The following LANCL3 variants were observed in gnomAD, a reference collection of about 807,000 sequenced individuals.
LANCL3 encodes lanC-like protein 3.
Under a neutral mutation model 26.5 loss-of-function variants are expected in LANCL3, and 19 were observed. The ratio of observed to expected loss-of-function variants is 0.72; its 90% CI spans 0.50 to 1.05. The LOEUF (loss-of-function observed/expected upper bound fraction) is 1.05. LANCL3 is among the 50% of genes least tolerant of loss of function. The pLI is 0.00. For missense variants in LANCL3, 318 were observed against 362.7 expected (o/e 0.88, Z 1.00); for synonymous variants, 160 against 166.6 (o/e 0.96, Z 0.30).
intron 1 of LANCL3, among the ~76,000 whole-genome samples, chrX:37,623,049 G>T (rs1047268089): frequency 8.9e-6 from 1 of 111,963 alleles, no homozygotes; most frequent in Non-Finnish European, 1.9e-5. Flanking sequence ...TGAGTGCAGG[G>T]TCATTTTTTG....
intron 3 of LANCL3, among the ~76,000 whole-genome samples, chrX:37,661,266 A>G (rs1926415624): frequency 8.9e-6 from 1 of 111,912 alleles, no homozygotes; most frequent in African/African-American, 3.2e-5. Context: ...CAGTTAATTG[A>G]TGTGGGTGTC....
At chrX:37,655,570 T>C in intron 1 of LANCL3, 118 bp from the exon 2 acceptor site, 1 of 529,796 alleles carries the variant, frequency 1.9e-6, no homozygotes, top group Non-Finnish European at 2.8e-6. Flanking sequence ...ACTAAGTTTA[T>C]TTACATATAG....
At chrX:37,620,312 C>G (rs1003330338) in intron 1 of LANCL3, among the ~76,000 whole-genome samples, 25 of 111,862 alleles carry the variant, frequency 2.2e-4, no homozygotes, top group African/African-American at 8.1e-4. Flanking sequence ...GTGGGAATCT[C>G]CAGAGAAAGA....
chrX:37,596,837 A>G (rs782394248), intron 1 of LANCL3, among the ~76,000 whole-genome samples: 3 of 112,316 alleles, frequency 2.7e-5, no homozygotes, highest in East Asian at 2.8e-4. Flanking sequence ...TATAACTTAT[A>G]TATCATACAA....
chrX:37,678,273 G>A lies in LANCL3; in HGVS notation c.*2460G>A, dbSNP rs193146345. 1.8e-5 allele frequency: 2 copies of A among 110,674 alleles called. No individual in the cohort carries two copies. The highest frequency in any genetic ancestry group is 4.0e-4 in the South Asian group (1 of 2,498). 9.1% of individuals were successfully genotyped at this position (110,674 alleles called of 1,213,427 possible). On this transcript the variant is annotated 3_prime_UTR_variant, in exon 5 of 5. Coordinates refer to ENST00000378619, the MANE Select transcript of LANCL3 (RefSeq NM_001170331.2). ...ATTATTTTTCCAAGAAGGGGAAAAC[G>A]ATTCTTACATTTTGCTGTAGGAAAG...
chrX:37,635,263 C>G (rs1274558948), intron 1 of LANCL3, among the ~76,000 whole-genome samples: 1 of 112,135 alleles, frequency 8.9e-6, no homozygotes, highest in Non-Finnish European at 1.9e-5. Context: ...TTTCCACTTG[C>G]AGACATTTAA....
chrX:37,655,344 T>A (rs184823219), intron 1 of LANCL3, among the ~76,000 whole-genome samples: 25 of 111,935 alleles, frequency 2.2e-4, no homozygotes, highest in Non-Finnish European at 3.6e-4. Flanking sequence ...GCATAATCAG[T>A]TAGGACCACT....
intron 1 of LANCL3, among the ~76,000 whole-genome samples, chrX:37,645,769 CCAGCAGTGT>C (rs1299948790): frequency 1.8e-5 from 2 of 112,026 alleles, no homozygotes; most frequent in African/African-American, 6.5e-5. Flanking sequence ...GGTTGATGAA[CCAGCAGTGT>C]CAGCCTCAGC....
chrX:37,615,631 G>A (rs374282225), intron 1 of LANCL3, among the ~76,000 whole-genome samples: 30 of 111,692 alleles, frequency 2.7e-4, no homozygotes, highest in African/African-American at 3.6e-4. Context: ...TATGCCTTCC[G>A]TCTGTTCTTT....
At chrX:37,574,905 G>A (rs1340973156) in intron 1 of LANCL3, among the ~76,000 whole-genome samples, 12 of 108,441 alleles carry the variant, frequency 1.1e-4, no homozygotes, top group African/African-American at 4.0e-4. Flanking sequence ...GTGTGTGTGT[G>A]TGTGTGTATG....
At chrX:37,599,335 T>C (rs1215904725) in intron 1 of LANCL3, among the ~76,000 whole-genome samples, 1 of 112,492 alleles carries the variant, frequency 8.9e-6, no homozygotes, top group Non-Finnish European at 1.9e-5. Flanking sequence ...TTGATCCTAG[T>C]GGTTCTGAAA....
intron 1 of LANCL3, among the ~76,000 whole-genome samples, chrX:37,643,095 G>A (rs1269299782): frequency 3.6e-5 from 4 of 111,708 alleles, no homozygotes; most frequent in South Asian, 3.8e-4. Context: ...TAATAATGTC[G>A]GCATTCACTT....
rs782398359 is a variant in LANCL3 at position 37,601,123 on chromosome X, G to T, written c.573+28680G>T. On this transcript the variant is annotated intron_variant, in intron 1 of 4. Transcript: ENST00000378619. ...AGTTGTCATGAGTAGCATATTGTGGGTAATTGCATAGCATAATATCAGAGA... is the reference window on the plus strand; with the variant it reads ...AGTTGTCATGAGTAGCATATTGTGGTTAATTGCATAGCATAATATCAGAGA... Among the ~76,000 whole-genome samples the T allele has an allele frequency of 2.7e-5, 3 of 111,662 alleles. No homozygotes were observed. The South Asian group carries it at 1.1e-3, about 42-fold the overall frequency.
chrX:37,589,216 T>G (rs1335331071), intron 1 of LANCL3, among the ~76,000 whole-genome samples: 5 of 111,895 alleles, frequency 4.5e-5, no homozygotes, highest in South Asian at 3.8e-4. Context: ...GTTGAAATAG[T>G]CTGGACTCTC....
In LANCL3 at chrX:37,635,949, C is replaced by A. The variant is rs148395684; in HGVS notation, c.574-19739C>A. On this transcript the variant is annotated intron_variant, in intron 1 of 4. Coordinates refer to ENST00000378619, the MANE Select transcript of LANCL3 (RefSeq NM_001170331.2). ...ATTCAATAGGTAGGTTTTTGATCCT[C>A]ACTCTTCTCCCTCCCCCACCCTCAA... Among the ~76,000 whole-genome samples, 66 of 109,904 alleles carry A rather than the reference C, an allele frequency of 6.0e-4. No individual in the cohort carries two copies. In the East Asian group the frequency reaches 0.014, roughly 23 times the overall value.
At chrX:37,577,455 T>C (rs4644398) in intron 1 of LANCL3, among the ~76,000 whole-genome samples, 6 of 112,765 alleles carry the variant, frequency 5.3e-5, no homozygotes, top group Middle Eastern at 4.6e-3. Flanking sequence ...TTGAGATACC[T>C]TCCACAGCTA....
At chrX:37,668,548 A>C (rs951736186) in intron 4 of LANCL3, 2 of 216,631 alleles carry the variant, frequency 9.2e-6, no homozygotes, top group Non-Finnish European at 1.8e-5. Context: ...GAGTGGCATG[A>C]AAGTGGCATT....
intron 4 of LANCL3, among the ~76,000 whole-genome samples, chrX:37,672,615 T>A (rs945378223): frequency 1.8e-5 from 2 of 111,914 alleles, no homozygotes; most frequent in African/African-American, 6.5e-5. Context: ...TGACTCTGAT[T>A]GTTTGGCTTA....
At chrX:37,588,276 C>G (rs1174640129) in intron 1 of LANCL3, among the ~76,000 whole-genome samples, 1 of 111,495 alleles carries the variant, frequency 9.0e-6, no homozygotes, top group Admixed American at 9.5e-5. Context: ...CCTGTAGTGT[C>G]CCCACATGGT....
Sources: gnomAD v4.1 joint callset for allele counts (sites outside exome capture counted in the v4.1 genomes callset) on GRCh38, gnomAD v4.1.1 for gene constraint, MANE v1.5 for transcripts, NCBI Gene and HGNC (gene_info 2026-07-23, HGNC 2026-07-21) for gene names.